Variants in GALNT18 observed in about 807,000 individuals in gnomAD.
The protein encoded by GALNT18 is polypeptide N-acetylgalactosaminyltransferase 18.
GALNT18 carries 44 observed loss-of-function variants against 69.5 expected under a neutral mutation model. That is an observed-to-expected ratio of 0.63 (90% CI 0.50 to 0.81). The LOEUF is 0.81. Among genes scored for constraint, GALNT18 ranks in the 40% least tolerant of loss-of-function variants. The probability of loss-of-function intolerance (pLI) is 0.00; values close to 1 mark genes in which losing one functional copy is unlikely to be tolerated. For missense variants in GALNT18, 715 were observed against 810.0 expected, an observed-to-expected ratio of 0.88 and a Z score of 1.42; for synonymous variants, 364 against 318.2, an observed-to-expected ratio of 1.14 and a Z score of -1.53.
Position 11,541,897 on chromosome 11 carries a change from C to T in GALNT18, c.235+79462G>A, listed in dbSNP as rs1199759292. On this transcript the variant is annotated intron_variant, in intron 1 of 10. Transcript: ENST00000227756. The surrounding 1 kb of genome is among the most constrained non-coding windows in gnomAD (Gnocchi z 4.8). ...CCACCCTTCCAGAGAGCTGTCCTGA[C>T]ACACCTCGCTGGCCACAACCTCCTG... Among the ~76,000 whole-genome samples, 1 of 152,072 alleles carries T rather than the reference C, an allele frequency of 6.6e-6. No homozygotes were observed. Among genetic ancestry groups the T allele is most frequent in the African/African-American group, 2.4e-5 (1 of 41,410 alleles).
At position 11,461,184 on chromosome 11, in the gene GALNT18, C is replaced by T. The variant is rs150239355; in HGVS notation, c.236-12248G>A. ...CAGAAAAATCCCACTCCACTCCTGA[C>T]GGGCTGGCACTGCTGGGTCTTTCCT... On this transcript the variant is annotated intron_variant, in intron 1 of 10. Coordinates refer to ENST00000227756, the MANE Select transcript of GALNT18 (RefSeq NM_198516.3). The surrounding 1 kb of genome is among the most constrained non-coding windows in gnomAD (Gnocchi z 4.1). Among the ~76,000 whole-genome samples, 601 of 152,310 alleles carry T rather than the reference C, an allele frequency of 3.9e-3. 2 individuals are homozygous for T. The highest frequency in any genetic ancestry group is 0.014 in the African/African-American group (576 of 41,552).
chr11:11,271,491 G>C (rs77984617), intron 10 of GALNT18, among the ~76,000 whole-genome samples: 1,913 of 149,708 alleles, frequency 0.013, 30 homozygotes, highest in African/African-American at 0.043. Context: ...TGCCACAGCT[G>C]TCTTCACAGA....
intron 2 of GALNT18, among the ~76,000 whole-genome samples, chr11:11,442,589 C>A (rs1855554243): frequency 6.6e-6 from 1 of 152,258 alleles, no homozygotes; most frequent in African/African-American, 2.4e-5. Flanking sequence ...AAGACCAGTG[C>A]CCCTGGCTCT....
chr11:11,402,117 G>T lies in GALNT18; in HGVS notation c.596-22853C>A, dbSNP rs574344595. ...AATTCAAGGTAATCACAGATGGCTGGCACAGAATTCTTCACATAAAGGCAG... is the reference window on the plus strand; with the variant it reads ...AATTCAAGGTAATCACAGATGGCTGTCACAGAATTCTTCACATAAAGGCAG... On this transcript the variant is annotated intron_variant, in intron 3 of 10. Transcript: ENST00000227756. This position sits in a 1 kb window ranked among gnomAD's most constrained non-coding sequence, Gnocchi z 4.0. Among the ~76,000 whole-genome samples, 1 of 152,328 alleles carries T rather than the reference G, an allele frequency of 6.6e-6. No individual in the cohort carries two copies. The highest frequency in any genetic ancestry group is 2.1e-4 in the South Asian group (1 of 4,824).
intron 10 of GALNT18, among the ~76,000 whole-genome samples, chr11:11,291,366 G>C (rs1417956167): frequency 6.6e-6 from 1 of 152,226 alleles, no homozygotes; most frequent in Non-Finnish European, 1.5e-5. Flanking sequence ...AGCACCTTGG[G>C]CATGTTCGTT....
chr11:11,347,413 T>C lies in GALNT18; in HGVS notation c.1093-6409A>G, dbSNP rs968455927. ...AGTTTACACTCCTGTGTGAAATCCATTTGCTTGTTAATATCCTTCTGAAGC... is the reference window on the plus strand; with the variant it reads ...AGTTTACACTCCTGTGTGAAATCCACTTGCTTGTTAATATCCTTCTGAAGC... On this transcript the variant is annotated intron_variant, in intron 6 of 10. Coordinates refer to ENST00000227756, the MANE Select transcript of GALNT18 (RefSeq NM_198516.3). This position sits in a 1 kb window ranked among gnomAD's most constrained non-coding sequence, Gnocchi z 4.0. 2.6e-5 allele frequency among the ~76,000 whole-genome samples: 4 copies of C among 152,206 alleles called. No homozygotes were observed. The highest frequency in any genetic ancestry group is 2.4e-5 in the African/African-American group (1 of 41,444).
intron 1 of GALNT18, among the ~76,000 whole-genome samples, chr11:11,561,154 C>T (rs1455609174): frequency 6.6e-6 from 1 of 152,018 alleles, no homozygotes; most frequent in Non-Finnish European, 1.5e-5. Context: ...CCATGAGAAA[C>T]AGCAGCAGCA....
At chr11:11,363,397 T>A (rs1850685463) in intron 6 of GALNT18, among the ~76,000 whole-genome samples, 1 of 152,218 alleles carries the variant, frequency 6.6e-6, no homozygotes, top group Non-Finnish European at 1.5e-5. Flanking sequence ...AATTTGACTG[T>A]ACATCCTAGT....
rs1220790341 is a variant in GALNT18, at chr11:11,562,802, A to T, written c.235+58557T>A. 6.6e-6 allele frequency among the ~76,000 whole-genome samples: 1 copy of T among 152,176 alleles called. No individual in the cohort carries two copies. Among genetic ancestry groups the T allele is most frequent in the African/African-American group, 2.4e-5 (1 of 41,432 alleles). On this transcript the variant is annotated intron_variant, in intron 1 of 10. Coordinates refer to ENST00000227756, the MANE Select transcript of GALNT18 (RefSeq NM_198516.3). The surrounding 1 kb of genome is among the most constrained non-coding windows in gnomAD (Gnocchi z 4.1). ...TTAATGATGCTAACTCAAGGCTGAG[A>T]GAGGCTATTTAACCCAGGTCACGTG...
chr11:11,353,243 G>C, intron 6 of GALNT18: 2 of 1,237,526 alleles, frequency 1.6e-6, no homozygotes, highest in Non-Finnish European at 1.1e-6. Context: ...TGGTGGAAGC[G>C]GCAGCGGCTG....
At chr11:11,349,959 G>A (rs1850370173) in intron 6 of GALNT18, among the ~76,000 whole-genome samples, 1 of 152,112 alleles carries the variant, frequency 6.6e-6, no homozygotes, top group Admixed American at 6.5e-5. Flanking sequence ...GCTTTTTCTT[G>A]GAAGGTGTCC....
At chr11:11,291,315 AAG>A (rs78462885) in intron 10 of GALNT18, among the ~76,000 whole-genome samples, 16,652 of 150,060 alleles carry the variant, frequency 0.11, 1,209 homozygotes, top group East Asian at 0.21. Flanking sequence ...GATGAGAAGT[AAG>A]AGAGAATTTG....
chr11:11,384,164 C>T (rs1853993805), intron 3 of GALNT18, among the ~76,000 whole-genome samples: 1 of 151,888 alleles, frequency 6.6e-6, no homozygotes, highest in Non-Finnish European at 1.5e-5. Flanking sequence ...TTTATTTATT[C>T]CCCAAATTGA....
chr11:11,569,871 G>C (rs1163117185), intron 1 of GALNT18, among the ~76,000 whole-genome samples: 1 of 152,146 alleles, frequency 6.6e-6, no homozygotes, highest in African/African-American at 2.4e-5. Flanking sequence ...AACTGAAACA[G>C]AGAGAGAGGC....
In GALNT18 at chr11:11,562,887, C is replaced by T. The variant is rs181605816; in HGVS notation, c.235+58472G>A. Among the ~76,000 whole-genome samples the T allele has an allele frequency of 9.8e-4, 149 of 152,232 alleles. 1 individual carries two copies. Among genetic ancestry groups the T allele is most frequent in the African/African-American group, 3.2e-3 (134 of 41,524 alleles). On this transcript the variant is annotated intron_variant, in intron 1 of 10. Coordinates refer to ENST00000227756, the MANE Select transcript of GALNT18 (RefSeq NM_198516.3). The surrounding 1 kb of genome is among the most constrained non-coding windows in gnomAD (Gnocchi z 4.1). ...TGCCTAGCTCGAGGCCTGGGCTTTC[C>T]CTTCCCATCACCCTGCCTCAGGCTT...
intron 9 of GALNT18, among the ~76,000 whole-genome samples, chr11:11,319,177 A>C (rs1849802614): frequency 6.6e-6 from 1 of 152,078 alleles, no homozygotes; most frequent in Non-Finnish European, 1.5e-5. Context: ...CAAAGTCAGC[A>C]AGATGAACGG....
intron 1 of GALNT18, among the ~76,000 whole-genome samples, chr11:11,483,118 C>A (rs1856568441): frequency 6.6e-6 from 1 of 152,196 alleles, no homozygotes; most frequent in Non-Finnish European, 1.5e-5. Flanking sequence ...GAGCACCTTC[C>A]CCTTGGTCCA....
intron 1 of GALNT18, among the ~76,000 whole-genome samples, chr11:11,572,237 G>C (rs530463133): frequency 6.0e-4 from 92 of 152,270 alleles, no homozygotes; most frequent in African/African-American, 2.2e-3. Context: ...GTAACCACTC[G>C]GCCTCAGTTT....
chr11:11,464,026 G>A (rs1228427877), intron 1 of GALNT18, among the ~76,000 whole-genome samples: 1 of 152,142 alleles, frequency 6.6e-6, no homozygotes, highest in South Asian at 2.1e-4. Context: ...CCTGCAGCCA[G>A]ACAAAATAAG....
Sources: allele counts gnomAD v4.1 joint callset (sites outside exome capture counted in the v4.1 genomes callset), GRCh38; gene constraint gnomAD v4.1.1; non-coding constraint Gnocchi (gnomAD v3.1); transcripts MANE v1.5; gene names NCBI Gene and HGNC (gene_info 2026-07-23, HGNC 2026-07-21).